ADGRG6: variants seen among roughly 807,000 people sequenced by gnomAD.
ADGRG6 encodes the protein adhesion G protein-coupled receptor G6, also known as G-protein coupled receptor 126.
Under a neutral mutation model 142.4 loss-of-function variants are expected in ADGRG6, and 84 were observed. The ratio of observed to expected loss-of-function variants is 0.59; its 90% confidence interval spans 0.49 to 0.71. ADGRG6 has a LOEUF of 0.71. ADGRG6 is among the 30% of genes least tolerant of loss of function. The pLI is 0.00. For missense variants in ADGRG6, 1,367 were observed against 1,466.6 expected, an observed-to-expected ratio of 0.93 and a Z score of 1.11; for synonymous variants, 521 against 520.5, an observed-to-expected ratio of 1.00 and a Z score of -0.01.
At chr6:142,310,855 G>A (rs946515894) in intron 2 of ADGRG6, among the ~76,000 whole-genome samples, 1 of 151,814 alleles carries the variant, frequency 6.6e-6, no homozygotes, top group African/African-American at 2.4e-5. Flanking sequence ...GTTTTATGAT[G>A]TACAGTGTTG....
rs199794153 is a variant in ADGRG6, at chr6:142,382,006, G to A, written c.1125G>A (p.Gly375=). The A allele has an allele frequency of 6.6e-4, 1,053 of 1,601,444 alleles. No individual in the cohort carries two copies. Among genetic ancestry groups the A allele is most frequent in the Non-Finnish European group, 8.7e-4 (1,017 of 1,171,658 alleles). ...AAELASCADL[G]TLCQATVNSP... Reference sequence around the variant, plus strand: ...AACTGGCCAGCTGTGCAGACCTGGGGACCCTCTGTCAAGGTAGGGAGCCCA... The same window carrying A: ...AACTGGCCAGCTGTGCAGACCTGGGAACCCTCTGTCAAGGTAGGGAGCCCA... The change falls in exon 5 of 25, where the codon GGG becomes GGA. Residue 375 remains glycine, a synonymous_variant. Transcript: ENST00000367609.
At chr6:142,361,219 A>T (rs1421134466) in intron 2 of ADGRG6, among the ~76,000 whole-genome samples, 1 of 152,216 alleles carries the variant, frequency 6.6e-6, no homozygotes. Flanking sequence ...TCCTCTTGGG[A>T]GAAGTTGTAC....
intron 18 of ADGRG6, among the ~76,000 whole-genome samples, chr6:142,413,240 A>G (rs1245324245): frequency 6.6e-6 from 1 of 151,988 alleles, no homozygotes; most frequent in Non-Finnish European, 1.5e-5. Context: ...TCACTTGTAT[A>G]AGATATTCCC....
intron 9 of ADGRG6, among the ~76,000 whole-genome samples, chr6:142,395,064 AC>A (rs1237652285): frequency 6.6e-6 from 1 of 152,106 alleles, no homozygotes; most frequent in Non-Finnish European, 1.5e-5. Context: ...ATGAGAATTG[AC>A]CAGAGAGCTT....
At chr6:142,394,842 C>T (rs181231012) in intron 9 of ADGRG6, among the ~76,000 whole-genome samples, 49 of 128,002 alleles carry the variant, frequency 3.8e-4, no homozygotes, top group East Asian at 3.7e-3. Flanking sequence ...CTGTCTCAGC[C>T]CCCCCCAGAG....
intron 4 of ADGRG6, among the ~76,000 whole-genome samples, chr6:142,381,229 A>G (rs1781755147): frequency 6.6e-6 from 1 of 152,192 alleles, no homozygotes; most frequent in African/African-American, 2.4e-5. Flanking sequence ...AATATCGTGC[A>G]TATTATATAT....
At chr6:142,409,419 C>T (rs576281647) in intron 16 of ADGRG6, among the ~76,000 whole-genome samples, 14 of 152,162 alleles carry the variant, frequency 9.2e-5, no homozygotes, top group African/African-American at 3.1e-4. Flanking sequence ...CATTGATAGA[C>T]GCTTGGGTTG....
At chr6:142,322,054 G>A (rs1778544906) in intron 2 of ADGRG6, among the ~76,000 whole-genome samples, 2 of 152,010 alleles carry the variant, frequency 1.3e-5, no homozygotes, top group African/African-American at 4.8e-5. Context: ...CAATTTTACT[G>A]TATTTGTATT....
In ADGRG6 at chr6:142,302,219, C is replaced by A. The variant is rs1777255580; in HGVS notation, c.-111C>A. On this transcript the variant is annotated 5_prime_UTR_variant, in exon 1 of 25. Transcript: ENST00000367609. ...GGCGTAAAGGAGGGTCCCGCCGCGG[C>A]GCAGGGCTGGGGCGCCTGGGTTCCC... 55 of 1,281,244 alleles carry A rather than the reference C, an allele frequency of 4.3e-5. No homozygotes were observed. The South Asian group carries it at 7.5e-4, about 18-fold the overall frequency. The allele number at this position is 1,281,244 out of a possible 1,614,324, so 79.4% of individuals were successfully genotyped here. A position where few individuals can be genotyped will look rare whatever the true frequency, so the allele number is the denominator to read the frequency against.
At position 142,417,384 on chromosome 6, in the gene ADGRG6, CT is replaced by C. The variant is rs1562380584; in HGVS notation, c.3035+20del. On this transcript the variant is annotated intron_variant, in intron 21 of 24. Coordinates refer to ENST00000367609, the MANE Select transcript of ADGRG6 (RefSeq NM_198569.3). Reference sequence around the variant, plus strand: ...GGTGATGAATTGTAAGTAATAAAAACTTTTTGTGATGAGTAGATATCCTTTG... The same window carrying C: ...GGTGATGAATTGTAAGTAATAAAAACTTTTGTGATGAGTAGATATCCTTTG... 8.4e-7 allele frequency: 1 copy of C among 1,187,160 alleles called. No individual in the cohort carries two copies. Among genetic ancestry groups the C allele is most frequent in the Non-Finnish European group, 1.2e-6 (1 of 800,572 alleles). 73.5% of individuals were successfully genotyped at this position (1,187,160 alleles called of 1,614,324 possible). A position where few individuals can be genotyped will look rare whatever the true frequency, so the allele number is the denominator to read the frequency against.
At position 142,369,413 on chromosome 6, in the gene ADGRG6, G is replaced by T. The variant is rs116142770; in HGVS notation, c.446-757G>T. Among the ~76,000 whole-genome samples the T allele has an allele frequency of 9.3e-3, 1,413 of 152,238 alleles. 23 individuals carry two copies. The highest frequency in any genetic ancestry group is 0.031 in the African/African-American group (1,306 of 41,544). ...CTTATTGACCATATATACAATAGGTGCCATTGTTGCCCATTTTACAGATAA... is the reference window on the plus strand; with the variant it reads ...CTTATTGACCATATATACAATAGGTTCCATTGTTGCCCATTTTACAGATAA... On this transcript the variant is annotated intron_variant, in intron 3 of 24. Coordinates refer to ENST00000367609, the MANE Select transcript of ADGRG6 (RefSeq NM_198569.3).
chr6:142,312,678 T>C (rs1420806907), intron 2 of ADGRG6, among the ~76,000 whole-genome samples: 1 of 152,088 alleles, frequency 6.6e-6, no homozygotes, highest in Non-Finnish European at 1.5e-5. Flanking sequence ...AATGTGTACA[T>C]TGGTGTATCA....
chr6:142,352,952 TCTC>T (rs1401520426), intron 2 of ADGRG6, among the ~76,000 whole-genome samples: 1 of 152,120 alleles, frequency 6.6e-6, no homozygotes, highest in African/African-American at 2.4e-5. Context: ...GGTATTCAGA[TCTC>T]CTCCCTCTCC....
At chr6:142,383,411 G>A (rs1004464952) in intron 5 of ADGRG6, among the ~76,000 whole-genome samples, 2 of 152,136 alleles carry the variant, frequency 1.3e-5, no homozygotes, top group Non-Finnish European at 2.9e-5. Flanking sequence ...TCTTTTGACA[G>A]ACTCAGGAAA....
At chr6:142,344,422 G>T (rs966728136) in intron 2 of ADGRG6, among the ~76,000 whole-genome samples, 1 of 151,866 alleles carries the variant, frequency 6.6e-6, no homozygotes, top group African/African-American at 2.4e-5. Context: ...CTACTTTGTT[G>T]TAAATGTTCA....
At chr6:142,389,587 G>A (rs188827001) in intron 6 of ADGRG6, among the ~76,000 whole-genome samples, 23 of 151,832 alleles carry the variant, frequency 1.5e-4, no homozygotes, top group African/African-American at 5.3e-4. Context: ...TTTACAATAA[G>A]GTTTTCTTTT....
chr6:142,404,198 A>G, intron 14 of ADGRG6: 1 of 501,188 alleles, frequency 2.0e-6, no homozygotes, highest in Non-Finnish European at 3.5e-6. Flanking sequence ...ACCTTCTACA[A>G]GAGGGGTTAC....
chr6:142,332,975 A>T (rs1311675307), intron 2 of ADGRG6, among the ~76,000 whole-genome samples: 1 of 152,200 alleles, frequency 6.6e-6, no homozygotes. Context: ...CTGAGCGTAA[A>T]AATAGCTTGG....
chr6:142,327,822 T>G (rs540545005), intron 2 of ADGRG6, among the ~76,000 whole-genome samples: 2 of 152,206 alleles, frequency 1.3e-5, no homozygotes, highest in Non-Finnish European at 2.9e-5. Flanking sequence ...AACATTTAAT[T>G]TTTTTGAAAG....
Sources: gnomAD v4.1 joint callset for allele counts (sites outside exome capture counted in the v4.1 genomes callset) on GRCh38, gnomAD v4.1.1 for gene constraint, MANE v1.5 for transcripts, NCBI Gene and HGNC (gene_info 2026-07-23, HGNC 2026-07-21) for gene names.